The following ZNF536 variants were observed in gnomAD, a reference collection of about 807,000 sequenced individuals.
ZNF536 encodes the protein zinc finger protein 536.
In ZNF536, 13 loss-of-function variants were observed where a neutral mutation model predicts 84.5. The ratio of observed to expected loss-of-function variants is 0.15; its 90% CI spans 0.10 to 0.24. The LOEUF (loss-of-function observed/expected upper bound fraction) is 0.24, where lower values mean the gene tolerates loss of function less well. Ranked by LOEUF, ZNF536 falls within the 10% of genes least tolerant of loss-of-function variation. The pLI is 1.00. For missense variants in ZNF536, 1,536 were observed against 1,747.5 expected, an observed-to-expected ratio of 0.88 and a Z score of 2.16; for synonymous variants, 811 against 742.5, an observed-to-expected ratio of 1.09 and a Z score of -1.50.
At chr19:30,255,657 TA>T (rs1249917841) in intron 1 of ZNF536, among the ~76,000 whole-genome samples, 1 of 151,846 alleles carries the variant, frequency 6.6e-6, no homozygotes, top group African/African-American at 2.4e-5. Context: ...CTGGAGACAA[TA>T]AAAAAAATGT....
chr19:30,445,153 A>G lies in ZNF536; in HGVS notation c.1591A>G (p.Met531Val). The change falls in exon 2 of 5, where the codon ATG (methionine) becomes GTG (valine). Residue 531 changes from methionine (M) to valine (V), a missense_variant. Physicochemically the swap from Met to Val is conservative, Grantham distance 21. Coordinates refer to ENST00000355537, the MANE Select transcript of ZNF536 (RefSeq NM_014717.3). The surrounding 1 kb of genome is among the most constrained non-coding windows in gnomAD (Gnocchi z 4.5). ...GGCTTGGCAGCTCATGGCCAGGGGCATGGCCATGGAACATGGCTTCTTGTC... is the reference window on the plus strand; with the variant it reads ...GGCTTGGCAGCTCATGGCCAGGGGCGTGGCCATGGAACATGGCTTCTTGTC... ...YQAWQLMARG[M>V]AMEHGFLSKE... 1 of 1,614,086 alleles carries G rather than the reference A, an allele frequency of 6.2e-7. No individual in the cohort carries two copies. The highest frequency in any genetic ancestry group is 1.3e-5 in the African/African-American group (1 of 75,070).
chr19:30,660,567 T>C (rs968530475), intron 1 of ZNF536, among the ~76,000 whole-genome samples: 2 of 152,224 alleles, frequency 1.3e-5, no homozygotes, highest in African/African-American at 4.8e-5. Flanking sequence ...TAAATATCTA[T>C]CACCGTTATA....
chr19:30,267,707 A>G (rs1485062047), intron 1 of ZNF536, among the ~76,000 whole-genome samples: 1 of 152,252 alleles, frequency 6.6e-6, no homozygotes, highest in Middle Eastern at 3.4e-3. Flanking sequence ...GAGTATCACC[A>G]GTTCATGAAG....
Position 30,445,858 on chromosome 19 carries a change from T to A in ZNF536, c.2170+126T>A. On this transcript the variant is annotated intron_variant, in intron 2 of 4. Coordinates refer to ENST00000355537, the MANE Select transcript of ZNF536 (RefSeq NM_014717.3). This position sits in a 1 kb window ranked among gnomAD's most constrained non-coding sequence, Gnocchi z 4.5. ...GGTCTTGATTGAGGACAGGGGTGGG[T>A]TGGACACTGGGCCATGCCTTTCTTT... 7.6e-7 allele frequency: 1 copy of A among 1,317,926 alleles called. No individual in the cohort carries two copies. The highest frequency in any genetic ancestry group is 1.0e-6 in the Non-Finnish European group (1 of 990,116). 81.6% of individuals were successfully genotyped at this position (1,317,926 alleles called of 1,614,324 possible). A position where few individuals can be genotyped will look rare whatever the true frequency, so the allele number is the denominator to read the frequency against.
intron 1 of ZNF536, among the ~76,000 whole-genome samples, chr19:30,375,218 A>T (rs1006839637): frequency 6.8e-6 from 1 of 146,966 alleles, no homozygotes; most frequent in Admixed American, 6.7e-5. Flanking sequence ...CGGTAGTGCC[A>T]CCCCGAGGCC....
chr19:30,579,191 C>G (rs1328199057), intron 1 of ZNF536, among the ~76,000 whole-genome samples: 1 of 152,118 alleles, frequency 6.6e-6, no homozygotes, highest in Non-Finnish European at 1.5e-5. Flanking sequence ...AGAGGTAAAA[C>G]AAGAAGAAGA....
intron 2 of ZNF536, among the ~76,000 whole-genome samples, chr19:30,447,753 T>A (rs991406079): frequency 1.3e-5 from 2 of 152,208 alleles, no homozygotes; most frequent in African/African-American, 4.8e-5. Flanking sequence ...TCGTTTCTGA[T>A]TCTGGATTAG....
chr19:30,517,014 T>C (rs1164272088), intron 2 of ZNF536, among the ~76,000 whole-genome samples: 1 of 152,172 alleles, frequency 6.6e-6, no homozygotes, highest in Non-Finnish European at 1.5e-5. Flanking sequence ...TCCTGGGACG[T>C]GATCTTTACA....
chr19:30,418,994 G>T (rs183018236), intron 1 of ZNF536, among the ~76,000 whole-genome samples: 2 of 152,152 alleles, frequency 1.3e-5, no homozygotes, highest in African/African-American at 2.4e-5. Context: ...GAAACGATGC[G>T]TGTCCATGAA....
At chr19:30,601,536 A>C (rs1159013871) in intron 1 of ZNF536, among the ~76,000 whole-genome samples, 1 of 152,110 alleles carries the variant, frequency 6.6e-6, no homozygotes, top group African/African-American at 2.4e-5. Flanking sequence ...TGCATGTAAC[A>C]CTTGAATATG....
At chr19:30,235,771 C>T (rs2023445910) in intron 1 of ZNF536, among the ~76,000 whole-genome samples, 1 of 152,180 alleles carries the variant, frequency 6.6e-6, no homozygotes, top group Non-Finnish European at 1.5e-5. Context: ...TTATATGAAG[C>T]CTATTGAAGG....
At chr19:30,563,594 C>T (rs1438687252) in intron 1 of ZNF536, among the ~76,000 whole-genome samples, 2 of 152,200 alleles carry the variant, frequency 1.3e-5, no homozygotes, top group Admixed American at 6.5e-5. Flanking sequence ...GTAAATGCCG[C>T]TGCAAAGTGA....
At chr19:30,415,403 CT>C (rs901685202) in intron 1 of ZNF536, among the ~76,000 whole-genome samples, 1 of 148,848 alleles carries the variant, frequency 6.7e-6, no homozygotes, top group Non-Finnish European at 1.5e-5. Flanking sequence ...TCCTCCTTCT[CT>C]TTTTTTTCCT....
Position 30,445,225 on chromosome 19 carries a change from G to T in ZNF536, c.1663G>T (p.Ala555Ser), listed in dbSNP as rs754516880. ...QRNHEDTLANAGVLFDKEKRE... is the reference protein window; with the variant it reads ...QRNHEDTLANSGVLFDKEKRE... ...CAACCACGAAGACACTTTGGCAAAC[G>T]CCGGGGTTCTGTTTGATAAGGAGAA... The change falls in exon 2 of 5, where the codon GCC becomes TCC. Residue 555 changes from alanine to serine, a missense_variant. Transcript: ENST00000355537. This position sits in a 1 kb window ranked among gnomAD's most constrained non-coding sequence, Gnocchi z 4.5. 1.9e-5 allele frequency: 31 copies of T among 1,614,074 alleles called. No homozygotes were observed. In the Admixed American group the frequency reaches 4.5e-4, roughly 23 times the overall value.
chr19:30,414,736 A>G (rs757150359), intron 1 of ZNF536, among the ~76,000 whole-genome samples: 2 of 152,228 alleles, frequency 1.3e-5, no homozygotes, highest in Non-Finnish European at 2.9e-5. Flanking sequence ...ATTTGAACTT[A>G]AATATAAATA....
At chr19:30,560,588 C>A (rs1302430115), downstream of ZNF536, among the ~76,000 whole-genome samples, 1 of 152,176 alleles carries the variant, frequency 6.6e-6, no homozygotes, top group African/African-American at 2.4e-5. Context: ...GACCACCCCC[C>A]CGCCCCATTG....
intron 1 of ZNF536, among the ~76,000 whole-genome samples, chr19:30,232,167 G>C (rs529203961): frequency 6.6e-6 from 1 of 152,084 alleles, no homozygotes; most frequent in Non-Finnish European, 1.5e-5. Context: ...GGCCTCCCCC[G>C]GCCAGTTGAT....
intron 1 of ZNF536, among the ~76,000 whole-genome samples, chr19:30,243,181 A>G (rs1448693649): frequency 6.6e-6 from 1 of 152,244 alleles, no homozygotes; most frequent in Non-Finnish European, 1.5e-5. Context: ...ATTCTTAAGA[A>G]TAAAGCAACA....
chr19:30,398,344 G>A (rs757410324), intron 1 of ZNF536, among the ~76,000 whole-genome samples: 3 of 151,046 alleles, frequency 2.0e-5, no homozygotes, highest in Non-Finnish European at 3.0e-5. Flanking sequence ...TTGTATAAAT[G>A]GAACCATATG....
Sources: gnomAD v4.1 joint callset for allele counts (sites outside exome capture counted in the v4.1 genomes callset) on GRCh38, gnomAD v4.1.1 for gene constraint, Gnocchi (gnomAD v3.1) non-coding constraint, MANE v1.5 for transcripts, NCBI Gene and HGNC (gene_info 2026-07-23, HGNC 2026-07-21) for gene names.